The following ROCK2 variants were observed in gnomAD, a reference collection of about 807,000 sequenced individuals.
The protein encoded by ROCK2 is Rho associated coiled-coil containing protein kinase 2.
In ROCK2, 61 loss-of-function variants were observed where a neutral mutation model predicts 195.1. The observed-to-expected ratio is 0.31, with a 90% confidence interval of 0.25 to 0.39. The LOEUF is 0.39. Among genes scored for constraint, ROCK2 ranks in the 10% least tolerant of loss-of-function variants. ROCK2 has a pLI of 1.00. For synonymous variants in ROCK2, 504 were observed against 545.5 expected (o/e 0.92, Z 1.06); for missense variants, 1,109 against 1,637.4 (o/e 0.68, Z 5.57).
At chr2:11,269,322 G>A (rs1666540597) in intron 3 of ROCK2, among the ~76,000 whole-genome samples, 1 of 152,006 alleles carries the variant, frequency 6.6e-6, no homozygotes, top group African/African-American at 2.4e-5. Flanking sequence ...GACCAGCCTG[G>A]CCAACATGGC....
chr2:11,315,100 T>C (rs1487226074), intron 1 of ROCK2, among the ~76,000 whole-genome samples: 2 of 151,956 alleles, frequency 1.3e-5, no homozygotes, highest in Non-Finnish European at 2.9e-5. Flanking sequence ...CTAAGACAAG[T>C]AATCAAGGCA....
chr2:11,196,993 A>G (rs1663662708), intron 27 of ROCK2, among the ~76,000 whole-genome samples, 187 bp downstream of exon 27: 1 of 152,206 alleles, frequency 6.6e-6, no homozygotes, highest in Non-Finnish European at 1.5e-5. Context: ...TGTTTATGAA[A>G]AACTTTGTAA....
rs201526009 is a variant in ROCK2, at chr2:11,344,147, C to A, written c.-11G>T. On this transcript the variant is annotated 5_prime_UTR_variant, in exon 1 of 33. Coordinates refer to ENST00000315872, the MANE Select transcript of ROCK2 (RefSeq NM_004850.5). The surrounding 1 kb of genome is among the most constrained non-coding windows in gnomAD (Gnocchi z 5.4). ...CGGGGGCCGGCTCATGCCGCCACCG[C>A]TGGACCCGCACTCAGGCTCCTCGCG... 779 of 1,426,046 alleles carry A rather than the reference C, an allele frequency of 5.5e-4. 3 individuals carry two copies. The African/African-American group carries it at 9.5e-3, about 17-fold the overall frequency. 88.3% of individuals were successfully genotyped at this position (1,426,046 alleles called of 1,614,324 possible).
chr2:11,313,644 T>C (rs1668106159), intron 1 of ROCK2, among the ~76,000 whole-genome samples: 1 of 151,964 alleles, frequency 6.6e-6, no homozygotes, highest in Admixed American at 6.6e-5. Context: ...CTCTCTCTTT[T>C]AACTTCTCGT....
chr2:11,243,745 C>A (rs1005120874), intron 4 of ROCK2, among the ~76,000 whole-genome samples: 1 of 152,008 alleles, frequency 6.6e-6, no homozygotes, highest in African/African-American at 2.4e-5. Context: ...CAGGAAGACA[C>A]GATAACTAAA....
intron 3 of ROCK2, among the ~76,000 whole-genome samples, chr2:11,270,636 T>C (rs1161045049): frequency 1.3e-5 from 2 of 152,336 alleles, no homozygotes; most frequent in South Asian, 2.1e-4. Context: ...AGTCTAGCAA[T>C]AAGTCTATCA....
Position 11,211,744 on chromosome 2 carries a change from G to A in ROCK2, c.2140C>T (p.Arg714Ter), listed in dbSNP as rs869312716. The change falls in exon 18 of 33, where the codon CGA (arginine) becomes TGA (stop). Residue 714 changes from arginine to a stop codon, truncating the protein, a stop_gained. Transcript: ENST00000315872. LOFTEE classifies it high-confidence loss of function. ...TAGATCTTATTTTTATCTGCTAGTC[G>A]TGCCTTTGTGGCCTTATGTTCAGCT... ...EEAEHKATKA[R>*]LADKNKIYES... 6.2e-7 allele frequency: 1 copy of A among 1,613,402 alleles called. No individual in the cohort carries two copies. Among genetic ancestry groups the A allele is most frequent in the Non-Finnish European group, 8.5e-7 (1 of 1,179,684 alleles).
At position 11,198,747 on chromosome 2, in the gene ROCK2, T is replaced by C; in HGVS notation, c.2938A>G (p.Ser980Gly). ...SLEETNRTLT[S>G]DVANLANEKE... is the part of the protein sequence containing the mutation. ...TCATTTGCAAGATTGGCAACATCACTAGTTAGTGTCCTATTAGTTTCCTCA... is the reference window on the plus strand; with the variant it reads ...TCATTTGCAAGATTGGCAACATCACCAGTTAGTGTCCTATTAGTTTCCTCA... The change falls in exon 24 of 33, where the codon AGT (serine) becomes GGT (glycine). Residue 980 changes from serine to glycine, a missense_variant. Coordinates refer to ENST00000315872, the MANE Select transcript of ROCK2 (RefSeq NM_004850.5). The C allele has an allele frequency of 4.4e-6, 7 of 1,607,498 alleles. No individual in the cohort carries two copies. The highest frequency in any genetic ancestry group is 6.0e-6 in the Non-Finnish European group (7 of 1,176,456).
chr2:11,298,981 G>A (rs7573458), intron 1 of ROCK2, among the ~76,000 whole-genome samples: 140,448 of 152,164 alleles, frequency 0.92, 65,009 homozygotes, highest in East Asian at 0.99. Context: ...TTAAAAAATC[G>A]CTGGAGGCCG....
intron 3 of ROCK2, among the ~76,000 whole-genome samples, chr2:11,260,448 CAAA>C (rs35308782): frequency 1.1e-5 from 1 of 91,512 alleles, no homozygotes. Flanking sequence ...ACTCTGTCTC[CAAA>C]AAAAAAAAAA....
rs569453142 is a variant in ROCK2, at chr2:11,259,039, A to G, written c.325-9241T>C. Among the ~76,000 whole-genome samples the G allele has an allele frequency of 1.3e-4, 19 of 151,484 alleles. No homozygotes were observed. The East Asian group carries it at 3.5e-3, about 28-fold the overall frequency. On this transcript the variant is annotated intron_variant, in intron 3 of 32. Transcript: ENST00000315872. ...GCCCAGAGGGGAAGGAGCTAGACAA[A>G]GAGCTTCAAGAGAAGTGAGGACAGG...
At chr2:11,191,268 C>G (rs1663411766) in intron 32 of ROCK2, among the ~76,000 whole-genome samples, 1 of 152,180 alleles carries the variant, frequency 6.6e-6, no homozygotes. Context: ...CAAGAAATGG[C>G]TATTGTGAAT....
chr2:11,297,513 C>T (rs1667572579), intron 1 of ROCK2, among the ~76,000 whole-genome samples: 1 of 152,104 alleles, frequency 6.6e-6, no homozygotes, highest in South Asian at 2.1e-4. Flanking sequence ...AATCCCAATG[C>T]ATTTCACTAT....
At chr2:11,280,167 AAAC>A (rs1666950337) in intron 3 of ROCK2, among the ~76,000 whole-genome samples, 2 of 152,130 alleles carry the variant, frequency 1.3e-5, no homozygotes, top group Non-Finnish European at 2.9e-5. Flanking sequence ...AAGGAATAGA[AAAC>A]AAGAATACAC....
At chr2:11,189,791 G>A (rs763866572) in intron 32 of ROCK2, among the ~76,000 whole-genome samples, 4 of 151,946 alleles carry the variant, frequency 2.6e-5, no homozygotes, top group East Asian at 1.9e-4. Context: ...AGACCAGCCT[G>A]GGCAACATAG....
At chr2:11,310,847 A>G (rs893663288) in intron 1 of ROCK2, among the ~76,000 whole-genome samples, 2 of 152,064 alleles carry the variant, frequency 1.3e-5, no homozygotes, top group Non-Finnish European at 2.9e-5. Flanking sequence ...TTTGATCCAT[A>G]TAAATGATAC....
intron 28 of ROCK2, among the ~76,000 whole-genome samples, 177 bp from the exon 29 acceptor site, chr2:11,194,521 T>C (rs186002617): frequency 2.6e-4 from 39 of 152,188 alleles, no homozygotes; most frequent in Non-Finnish European, 5.0e-4. Flanking sequence ...ATTTTGTTTA[T>C]ATTAATAGAT....
intron 4 of ROCK2, among the ~76,000 whole-genome samples, chr2:11,248,167 C>T (rs187123435): frequency 1.6e-4 from 23 of 143,190 alleles, no homozygotes; most frequent in South Asian, 6.5e-4. Context: ...TATAAAAAAG[C>T]AACATTAATG....
rs1016887248 is a variant in ROCK2 at position 11,257,503 on chromosome 2, C to T, written c.325-7705G>A. ...CATCATTCCCAGATGAATGTGAGCACGTACAACATGTTTTGAGTAGCCTTG... is the reference window on the plus strand; with the variant it reads ...CATCATTCCCAGATGAATGTGAGCATGTACAACATGTTTTGAGTAGCCTTG... On this transcript the variant is annotated intron_variant, in intron 3 of 32. Transcript: ENST00000315872. Among the ~76,000 whole-genome samples the T allele has an allele frequency of 3.3e-4, 50 of 151,560 alleles. 4 individuals carry two copies. The highest frequency in any genetic ancestry group is 1.2e-3 in the African/African-American group (49 of 40,860).
Sources: gnomAD v4.1 joint callset for allele counts (sites outside exome capture counted in the v4.1 genomes callset) on GRCh38, gnomAD v4.1.1 for gene constraint, Gnocchi (gnomAD v3.1) non-coding constraint, MANE v1.5 for transcripts, NCBI Gene and HGNC (gene_info 2026-07-23, HGNC 2026-07-21) for gene names.